The following LRCH1 variants were observed in gnomAD, a reference collection of about 807,000 sequenced individuals.
LRCH1 encodes the protein leucine-rich repeat and calponin homology domain-containing protein 1.
A neutral mutation model predicts 94.9 loss-of-function variants in LRCH1; 23 were observed. The ratio of observed to expected loss-of-function variants is 0.24; its 90% CI spans 0.17 to 0.34. The LOEUF is 0.34. Ranked by LOEUF, LRCH1 falls within the 10% of genes least tolerant of loss-of-function variation. LRCH1 has a pLI of 1.00. For missense variants in LRCH1, 790 were observed against 945.9 expected, an observed-to-expected ratio of 0.84 and a Z score of 2.16; for synonymous variants, 364 against 354.9, an observed-to-expected ratio of 1.03 and a Z score of -0.29.
intron 4 of LRCH1, among the ~76,000 whole-genome samples, chr13:46,685,088 C>T (rs1382210397): frequency 6.6e-6 from 1 of 152,184 alleles, no homozygotes; most frequent in African/African-American, 2.4e-5. Context: ...AACAAAAGTT[C>T]CGAGGCCTCG....
chr13:46,612,848 A>T (rs987608217), intron 1 of LRCH1, among the ~76,000 whole-genome samples: 1 of 152,174 alleles, frequency 6.6e-6, no homozygotes, highest in African/African-American at 2.4e-5. Context: ...TGCATATTTT[A>T]TTGTTTATAC....
chr13:46,750,772 C>T (rs1345125523), exon 19 of LRCH1: 1 of 634,852 alleles, frequency 1.6e-6, no homozygotes, highest in Admixed American at 3.2e-5. Flanking sequence ...ACTCCAGTTA[C>T]ATTGAAACAA....
At chr13:46,562,271 C>A (rs1380438927) in intron 1 of LRCH1, among the ~76,000 whole-genome samples, 1 of 152,172 alleles carries the variant, frequency 6.6e-6, no homozygotes, top group Non-Finnish European at 1.5e-5. Flanking sequence ...CTAGGGGCAC[C>A]ATGACAATAT....
chr13:46,687,108 G>A (rs567374210), intron 5 of LRCH1, among the ~76,000 whole-genome samples: 3 of 151,826 alleles, frequency 2.0e-5, no homozygotes, highest in Admixed American at 2.0e-4. Flanking sequence ...ACAGGCGCCT[G>A]CCACCACACC....
Position 46,679,673 on chromosome 13 carries a change from G to C in LRCH1, c.580-2068G>C, listed in dbSNP as rs1450310970. 3.3e-5 allele frequency among the ~76,000 whole-genome samples: 5 copies of C among 152,174 alleles called. No homozygotes were observed. In the East Asian group the frequency reaches 7.7e-4, roughly 23 times the overall value. On this transcript the variant is annotated intron_variant, in intron 3 of 19. Coordinates refer to ENST00000389797, the MANE Select transcript of LRCH1 (RefSeq NM_001164211.2). Reference sequence around the variant, plus strand: ...GGAGGGATAGAGCAACCGCAGTTGGGGGTGATGCTGCTGAACACCCGGTGC... The same window carrying C: ...GGAGGGATAGAGCAACCGCAGTTGGCGGTGATGCTGCTGAACACCCGGTGC...
chr13:46,657,485 TTTTTC>T lies in LRCH1; in HGVS notation c.452+7155_452+7159del, dbSNP rs774661773. The stretch of plus-strand genomic sequence containing the variant: ...TCTTTCTTTCTTCTTTCATTTTTAC[TTTTTC>T]TTTTCTTTTCTTTTTTTTTTTTTTT... On this transcript the variant is annotated intron_variant, in intron 2 of 19. Coordinates refer to ENST00000389797, the MANE Select transcript of LRCH1 (RefSeq NM_001164211.2). Among the ~76,000 whole-genome samples, 1,101 of 123,136 alleles carry T rather than the reference TTTTTC, an allele frequency of 8.9e-3. 4 individuals carry two copies. The highest frequency in any genetic ancestry group is 0.016 in the Non-Finnish European group (930 of 56,668). The allele number at this position is 123,136 out of a possible 152,430, so 80.8% of individuals were successfully genotyped here.
intron 1 of LRCH1, among the ~76,000 whole-genome samples, chr13:46,614,343 G>T (rs1045109661): frequency 2.0e-5 from 3 of 152,232 alleles, no homozygotes; most frequent in African/African-American, 7.2e-5. Context: ...GGGGCCTTTT[G>T]TCTATTCCAG....
chr13:46,727,964 T>A (rs1333443407), intron 17 of LRCH1, among the ~76,000 whole-genome samples: 1 of 151,836 alleles, frequency 6.6e-6, no homozygotes, highest in Non-Finnish European at 1.5e-5. Context: ...TCAACCAGGT[T>A]GGAGTGCAAT....
At chr13:46,710,284 T>A (rs887327316) in intron 13 of LRCH1, among the ~76,000 whole-genome samples, 53 of 152,098 alleles carry the variant, frequency 3.5e-4, no homozygotes, top group African/African-American at 1.2e-3. Flanking sequence ...ACTTTGGGCA[T>A]TTTTGGGTTT....
intron 1 of LRCH1, among the ~76,000 whole-genome samples, chr13:46,625,750 C>G (rs763147812): frequency 2.0e-5 from 3 of 149,358 alleles, no homozygotes; most frequent in Non-Finnish European, 3.0e-5. Context: ...GCCTCCTGGG[C>G]TCAGGTGATT....
chr13:46,590,162 C>T (rs1322801923), intron 1 of LRCH1, among the ~76,000 whole-genome samples: 2 of 152,036 alleles, frequency 1.3e-5, no homozygotes, highest in African/African-American at 4.8e-5. Flanking sequence ...AAAACCCTGG[C>T]CTCTGTGATA....
intron 2 of LRCH1, among the ~76,000 whole-genome samples, chr13:46,656,415 G>T (rs2051370245): frequency 6.6e-6 from 1 of 152,150 alleles, no homozygotes; most frequent in African/African-American, 2.4e-5. Flanking sequence ...ATAAAAATGT[G>T]TATCCCACAT....
chr13:46,625,105 T>G (rs2050929114), intron 1 of LRCH1, among the ~76,000 whole-genome samples: 1 of 152,262 alleles, frequency 6.6e-6, no homozygotes, highest in Admixed American at 6.5e-5. Flanking sequence ...TTTATCTGTT[T>G]GGATTCTTAA....
At chr13:46,720,206 G>A (rs2138213813) in intron 16 of LRCH1, among the ~76,000 whole-genome samples, 1 of 152,086 alleles carries the variant, frequency 6.6e-6, no homozygotes, top group East Asian at 1.9e-4. Flanking sequence ...GGGCAATATG[G>A]CGAAACCCCA....
intron 19 of LRCH1, among the ~76,000 whole-genome samples, chr13:46,739,543 G>A (rs914564361): frequency 6.6e-4 from 100 of 152,098 alleles, no homozygotes; most frequent in Non-Finnish European, 2.9e-4. Flanking sequence ...GAACCTCCCA[G>A]GTCAGAAATT....
At chr13:46,748,277 A>T (rs76574468), downstream of LRCH1, among the ~76,000 whole-genome samples, 292 of 143,702 alleles carry the variant, frequency 2.0e-3, 2 homozygotes, top group African/African-American at 6.6e-3. Context: ...GGTGTTGTAG[A>T]TTTTTTTTTT....
intron 14 of LRCH1, 39 bp downstream of exon 14, chr13:46,711,883 T>C: frequency 6.9e-7 from 1 of 1,448,590 alleles, no homozygotes; most frequent in Non-Finnish European, 9.7e-7. Context: ...GAGGTGTTTC[T>C]TGATGGCTGG....
chr13:46,634,550 C>T (rs2051059830), intron 1 of LRCH1, among the ~76,000 whole-genome samples: 1 of 152,256 alleles, frequency 6.6e-6, no homozygotes, highest in Admixed American at 6.5e-5. Context: ...TTTTCCACTC[C>T]ATCCTGCAGA....
At chr13:46,615,506 G>T (rs2050797124) in intron 1 of LRCH1, among the ~76,000 whole-genome samples, 1 of 152,134 alleles carries the variant, frequency 6.6e-6, no homozygotes, top group Non-Finnish European at 1.5e-5. Flanking sequence ...ATGAGATTTG[G>T]AGGGGGAAAA....
Sources: gnomAD v4.1 joint callset for allele counts (sites outside exome capture counted in the v4.1 genomes callset) on GRCh38, gnomAD v4.1.1 for gene constraint, MANE v1.5 for transcripts, NCBI Gene and HGNC (gene_info 2026-07-23, HGNC 2026-07-21) for gene names.